The following ADCY2 variants were observed in gnomAD, a reference collection of about 807,000 sequenced individuals.
ADCY2 encodes adenylate cyclase type 2.
Under a neutral mutation model 125.2 loss-of-function variants are expected in ADCY2, and 31 were observed. The ratio of observed to expected loss-of-function variants is 0.25; its 90% CI spans 0.19 to 0.33. ADCY2 has a LOEUF of 0.33. ADCY2 is among the 10% of genes least tolerant of loss of function. ADCY2 has a pLI of 1.00. For synonymous variants in ADCY2, 512 were observed against 548.4 expected, an observed-to-expected ratio of 0.93 and a Z score of 0.93; for missense variants, 904 against 1,418.2, an observed-to-expected ratio of 0.64 and a Z score of 5.82.
At chr5:7,653,469 G>A (rs902855814) in intron 4 of ADCY2, among the ~76,000 whole-genome samples, 6 of 152,128 alleles carry the variant, frequency 3.9e-5, no homozygotes, top group Admixed American at 1.3e-4. Context: ...TTAGCCAGGC[G>A]TGGTGGCGGG....
intron 20 of ADCY2, chr5:7,798,903 A>G (rs1579449558): frequency 6.6e-6 from 1 of 152,192 alleles, no homozygotes; most frequent in South Asian, 2.1e-4. Context: ...GCCTCTAATT[A>G]TGGATGAGAG....
In ADCY2 at chr5:7,411,175, T is replaced by G. The variant is rs373862776; in HGVS notation, c.211-3398T>G. 3.9e-4 allele frequency among the ~76,000 whole-genome samples: 60 copies of G among 152,334 alleles called. 1 individual carries two copies. Among genetic ancestry groups the G allele is most frequent in the Middle Eastern group, 6.8e-3 (2 of 292 alleles). ...AGATACAGAACAAATTGGTGGCTGT[T>G]CTCTTCCTTGAAGAGTCTCTGTTTT... On this transcript the variant is annotated intron_variant, in intron 1 of 24. Coordinates refer to ENST00000338316, the MANE Select transcript of ADCY2 (RefSeq NM_020546.3).
At chr5:7,450,637 A>G (rs1741438283) in intron 2 of ADCY2, among the ~76,000 whole-genome samples, 1 of 152,238 alleles carries the variant, frequency 6.6e-6, no homozygotes, top group Non-Finnish European at 1.5e-5. Context: ...AAAGTAGACA[A>G]AATAACCTTC....
chr5:7,673,384 G>C (rs1740009308), intron 4 of ADCY2, among the ~76,000 whole-genome samples: 1 of 149,188 alleles, frequency 6.7e-6, no homozygotes, highest in Admixed American at 6.7e-5. Flanking sequence ...GTTGCAGAAA[G>C]CTGAGATTAA....
At chr5:7,437,155 T>G (rs1469866555) in intron 2 of ADCY2, among the ~76,000 whole-genome samples, 1 of 152,198 alleles carries the variant, frequency 6.6e-6, no homozygotes, top group African/African-American at 2.4e-5. Context: ...ACAGGACTTT[T>G]ACAAAGTGCT....
At chr5:7,512,873 GAACTGCTGCTGA>G (rs765777632) in intron 2 of ADCY2, among the ~76,000 whole-genome samples, 14 of 152,122 alleles carry the variant, frequency 9.2e-5, no homozygotes, top group Non-Finnish European at 1.9e-4. Flanking sequence ...ATTGAGACCT[GAACTGCTGCTGA>G]AACCTGGTCC....
At chr5:7,810,269 A>G (rs979648941) in intron 22 of ADCY2, among the ~76,000 whole-genome samples, 5 of 151,310 alleles carry the variant, frequency 3.3e-5, no homozygotes, top group African/African-American at 1.2e-4. Flanking sequence ...TATCTACCTG[A>G]TTGGTGGGTT....
chr5:7,537,994 CA>C (rs1734874006), intron 3 of ADCY2, among the ~76,000 whole-genome samples: 1 of 152,166 alleles, frequency 6.6e-6, no homozygotes, highest in African/African-American at 2.4e-5. Context: ...GAGCCTATCC[CA>C]GGAGCTCACA....
intron 3 of ADCY2, among the ~76,000 whole-genome samples, 180 bp downstream of exon 3, chr5:7,521,079 G>A (rs1335986667): frequency 6.6e-6 from 1 of 152,174 alleles, no homozygotes; most frequent in Non-Finnish European, 1.5e-5. Flanking sequence ...GCCATTGGTG[G>A]GATCAACAGT....
intron 22 of ADCY2, among the ~76,000 whole-genome samples, chr5:7,811,857 C>T (rs974620180): frequency 1.3e-5 from 2 of 152,316 alleles, no homozygotes; most frequent in African/African-American, 2.4e-5. Context: ...ACTTGCTGTC[C>T]ACATCCACTG....
At chr5:7,826,284 T>C (rs1300528414) in intron 24 of ADCY2, among the ~76,000 whole-genome samples, 2 of 152,200 alleles carry the variant, frequency 1.3e-5, no homozygotes, top group African/African-American at 4.8e-5. Context: ...TTCATGACAA[T>C]GTATAAACAT....
At chr5:7,603,784 C>CTT in intron 3 of ADCY2, among the ~76,000 whole-genome samples, 1,808 of 62,808 alleles carry the variant, frequency 0.029, 107 homozygotes, top group African/African-American at 0.067. Context: ...TGCTCTCTTT[C>CTT]TTTTTTTTTT....
At chr5:7,761,293 G>A (rs13154690) in intron 16 of ADCY2, among the ~76,000 whole-genome samples, 49,155 of 149,576 alleles carry the variant, frequency 0.33, 8,972 homozygotes, top group Non-Finnish European at 0.41. Flanking sequence ...GGGATTTCAG[G>A]CACCCACCAC....
At chr5:7,507,719 A>C (rs1320505946) in intron 2 of ADCY2, among the ~76,000 whole-genome samples, 1 of 152,082 alleles carries the variant, frequency 6.6e-6, no homozygotes, top group Admixed American at 6.5e-5. Flanking sequence ...TTTTGTTAGG[A>C]CAGATGGATT....
rs137993586 is a variant in ADCY2 at position 7,401,723 on chromosome 5, T to A, written c.210+5217T>A. ...GGCATATGCACCATGGGTGTGAGAATCATTCCTATTAAGCCGTGATTCTTA... is the reference window on the plus strand; with the variant it reads ...GGCATATGCACCATGGGTGTGAGAAACATTCCTATTAAGCCGTGATTCTTA... On this transcript the variant is annotated intron_variant, in intron 1 of 24. Coordinates refer to ENST00000338316, the MANE Select transcript of ADCY2 (RefSeq NM_020546.3). Among the ~76,000 whole-genome samples the A allele has an allele frequency of 5.9e-5, 9 of 152,348 alleles. No individual in the cohort carries two copies. In the East Asian group the frequency reaches 1.7e-3, roughly 29 times the overall value.
intron 4 of ADCY2, among the ~76,000 whole-genome samples, chr5:7,674,649 G>T (rs561648477): frequency 2.7e-5 from 2 of 73,564 alleles, no homozygotes; most frequent in East Asian, 3.9e-4. Flanking sequence ...CCACTTTGTG[G>T]GTATTCAGAA....
chr5:7,585,141 T>C, intron 3 of ADCY2, among the ~76,000 whole-genome samples: 1 of 152,170 alleles, frequency 6.6e-6, no homozygotes, highest in East Asian at 1.9e-4. Context: ...GAATAGCTGC[T>C]TTTTTTCTTT....
At chr5:7,419,196 T>A (rs1296620747) in intron 2 of ADCY2, among the ~76,000 whole-genome samples, 2 of 152,164 alleles carry the variant, frequency 1.3e-5, no homozygotes, top group Non-Finnish European at 2.9e-5. Flanking sequence ...CCACTCTCAT[T>A]GCTGATACTA....
chr5:7,557,478 TTA>T (rs1233671172), intron 3 of ADCY2, among the ~76,000 whole-genome samples: 10 of 152,074 alleles, frequency 6.6e-5, no homozygotes, highest in African/African-American at 2.4e-4. Flanking sequence ...CACCCAGGTA[TTA>T]AGCCTAGTAC....
Sources: gnomAD v4.1 joint callset for allele counts (sites outside exome capture counted in the v4.1 genomes callset) on GRCh38, gnomAD v4.1.1 for gene constraint, MANE v1.5 for transcripts, NCBI Gene and HGNC (gene_info 2026-07-23, HGNC 2026-07-21) for gene names.